The following CNNM2 variants were observed in gnomAD, a reference collection of about 807,000 sequenced individuals.
CNNM2 encodes cyclin and CBS domain divalent metal cation transport mediator 2.
In CNNM2, 12 loss-of-function variants were observed where a neutral mutation model predicts 66.9. The observed-to-expected ratio is 0.18, with a 90% CI of 0.11 to 0.29. The LOEUF is 0.29. CNNM2 is among the 10% of genes least tolerant of loss of function. CNNM2 has a pLI of 1.00. For synonymous variants in CNNM2, 557 were observed against 501.8 expected (o/e 1.11, Z -1.47); for missense variants, 705 against 1,167.7 (o/e 0.60, Z 5.77).
intron 1 of CNNM2, among the ~76,000 whole-genome samples, chr10:102,941,813 CTAGAACG>C (rs933342738): frequency 2.6e-5 from 4 of 152,292 alleles, no homozygotes; most frequent in Middle Eastern, 3.4e-3. Flanking sequence ...GCCTCTCCTA[CTAGAACG>C]TAAGCTCCAT....
chr10:102,972,729 G>T (rs780554535), intron 1 of CNNM2, among the ~76,000 whole-genome samples: 6 of 152,116 alleles, frequency 3.9e-5, no homozygotes, highest in Non-Finnish European at 7.4e-5. Context: ...GTTGAGTTGT[G>T]TTTTTTTCTT....
Position 103,019,348 on chromosome 10 carries a change from C to T in CNNM2, c.1622-30359C>T, listed in dbSNP as rs895394463. 2.0e-5 allele frequency among the ~76,000 whole-genome samples: 3 copies of T among 151,188 alleles called. No individual in the cohort carries two copies. In the East Asian group the frequency reaches 5.8e-4, roughly 29 times the overall value. ...CATTGTATTTAGCAAAATGAGAGGTCATGGAGATCACAAGAGGGGTTCTAT... is the reference window on the plus strand; with the variant it reads ...CATTGTATTTAGCAAAATGAGAGGTTATGGAGATCACAAGAGGGGTTCTAT... On this transcript the variant is annotated intron_variant, in intron 1 of 7. Transcript: ENST00000369878.
Position 103,082,062 on chromosome 10 carries a change from A to G in CNNM2, c.*4882A>G, listed in dbSNP as rs1414709281. 1.3e-5 allele frequency: 2 copies of G among 152,252 alleles called. No individual in the cohort carries two copies. The highest frequency in any genetic ancestry group is 4.8e-5 in the African/African-American group (2 of 41,476). The allele number at this position is 152,252 out of a possible 1,614,324, so 9.4% of individuals were successfully genotyped here. On this transcript the variant is annotated 3_prime_UTR_variant, in exon 8 of 8. Coordinates refer to ENST00000369878, the MANE Select transcript of CNNM2 (RefSeq NM_017649.5). ...ACAAAGGTTCTAGCTGCAAGAGAGT[A>G]AAGTTCTAGGTGTTTGTATGCCAAG...
chr10:103,056,757 G>A, intron 3 of CNNM2, 38 bp from the exon 4 acceptor site: 1 of 1,581,430 alleles, frequency 6.3e-7, no homozygotes. Flanking sequence ...TTCTCTCTCT[G>A]TTTGAAATGT....
chr10:103,054,525 C>A lies in CNNM2; in HGVS notation c.1903+59C>A. ...CCAACCCTGAAGCGTGTTTCTCACC[C>A]ACCACTGACTGGGGTGGGTTGGGGG... is the stretch of plus-strand genomic sequence containing the variant. On this transcript the variant is annotated intron_variant, in intron 3 of 7. Transcript: ENST00000369878. The surrounding 1 kb of genome is among the most constrained non-coding windows in gnomAD (Gnocchi z 5.2). The A allele has an allele frequency of 1.3e-6, 2 of 1,577,012 alleles. No homozygotes were observed. Among genetic ancestry groups the A allele is most frequent in the Non-Finnish European group, 1.7e-6 (2 of 1,155,506 alleles).
At chr10:102,923,260 A>G (rs926312561) in intron 1 of CNNM2, among the ~76,000 whole-genome samples, 1 of 152,086 alleles carries the variant, frequency 6.6e-6, no homozygotes, top group Non-Finnish European at 1.5e-5. Context: ...CTGATTTTAC[A>G]GTTTGATCAT....
At chr10:103,011,172 C>T (rs777104824) in intron 1 of CNNM2, among the ~76,000 whole-genome samples, 27 of 152,052 alleles carry the variant, frequency 1.8e-4, no homozygotes, top group Non-Finnish European at 3.2e-4. Flanking sequence ...AAAAGCATTC[C>T]GGCCGGGCAC....
chr10:103,002,876 A>G (rs2064149479), intron 1 of CNNM2, among the ~76,000 whole-genome samples: 1 of 152,206 alleles, frequency 6.6e-6, no homozygotes, highest in Non-Finnish European at 1.5e-5. Flanking sequence ...TAGATTTACC[A>G]TATGACCCTG....
chr10:102,932,057 C>A (rs1201431758), intron 1 of CNNM2, among the ~76,000 whole-genome samples: 2 of 151,966 alleles, frequency 1.3e-5, no homozygotes, highest in Admixed American at 1.3e-4. Flanking sequence ...TGTAAGAGTT[C>A]TTTTTATATT....
At chr10:102,933,583 T>C (rs1233130182) in intron 1 of CNNM2, among the ~76,000 whole-genome samples, 1 of 152,210 alleles carries the variant, frequency 6.6e-6, no homozygotes, top group Non-Finnish European at 1.5e-5. Flanking sequence ...TTCTTTAATT[T>C]GCTTGTAGTG....
intron 1 of CNNM2, among the ~76,000 whole-genome samples, chr10:103,032,012 G>A (rs763619431): frequency 1.6e-4 from 25 of 152,222 alleles, no homozygotes; most frequent in African/African-American, 2.4e-4. Flanking sequence ...GCAAGCCTGC[G>A]TGAACTAGTC....
chr10:102,958,052 T>A (rs966038781), intron 1 of CNNM2, among the ~76,000 whole-genome samples: 3 of 152,190 alleles, frequency 2.0e-5, no homozygotes, highest in African/African-American at 7.2e-5. Context: ...TTTTCCTGCC[T>A]CAGCATCCTG....
At chr10:103,006,219 T>C (rs965325890) in intron 1 of CNNM2, among the ~76,000 whole-genome samples, 3 of 152,014 alleles carry the variant, frequency 2.0e-5, no homozygotes, top group African/African-American at 7.2e-5. Flanking sequence ...TTTCTTTTTT[T>C]TTTTTGAGAT....
chr10:102,919,506 C>G lies in CNNM2; in HGVS notation c.1026C>G (p.Leu342=), dbSNP rs370523645. The G allele has an allele frequency of 1.9e-6, 3 of 1,612,852 alleles. No homozygotes were observed. The highest frequency in any genetic ancestry group is 4.5e-5 in the East Asian group (2 of 44,884). ...TCGACGACATCGCCGGCTCGGGCCT[C>G]GTGGCCGTGGTAGTCTCCACCATCG... The part of the protein sequence containing the change: ...ILLDDIAGSG[L]VAVVVSTIGI... Residue 342 remains leucine (L), a synonymous_variant, in exon 1 of 8, where the codon CTC becomes CTG. Coordinates refer to ENST00000369878, the MANE Select transcript of CNNM2 (RefSeq NM_017649.5).
chr10:103,007,288 A>C (rs1276267673), intron 1 of CNNM2, among the ~76,000 whole-genome samples: 1 of 152,216 alleles, frequency 6.6e-6, no homozygotes, highest in East Asian at 1.9e-4. Flanking sequence ...CCAGGGCAAA[A>C]TCAAACTCCT....
chr10:103,074,392 CTAAA>C (rs747722428), intron 6 of CNNM2, among the ~76,000 whole-genome samples: 27 of 152,340 alleles, frequency 1.8e-4, no homozygotes, highest in South Asian at 1.0e-3. Flanking sequence ...ATCCATTCTG[CTAAA>C]TATAAGTCTG....
At chr10:102,965,637 A>G (rs1320375269) in intron 1 of CNNM2, among the ~76,000 whole-genome samples, 1 of 152,190 alleles carries the variant, frequency 6.6e-6, no homozygotes, top group African/African-American at 2.4e-5. Context: ...GTCTTGAGTC[A>G]GCGTCTTTAT....
chr10:103,085,566 A>G lies in CNNM2; in HGVS notation c.*8386A>G, dbSNP rs1445139259. 1 of 152,246 alleles carries G rather than the reference A, an allele frequency of 6.6e-6. No homozygotes were observed. Among genetic ancestry groups the G allele is most frequent in the Non-Finnish European group, 1.5e-5 (1 of 68,040 alleles). The allele number at this position is 152,246 out of a possible 1,614,324, so 9.4% of individuals were successfully genotyped here. On this transcript the variant is annotated 3_prime_UTR_variant, in exon 8 of 8. Coordinates refer to ENST00000369878, the MANE Select transcript of CNNM2 (RefSeq NM_017649.5). ...CCCCTCGCCAGACATGGCTTTGGGA[A>G]GAGCTCCATGGGAGACCAGAACATC...
intron 1 of CNNM2, among the ~76,000 whole-genome samples, chr10:103,037,249 A>G (rs1473640756): frequency 6.7e-6 from 1 of 148,316 alleles, no homozygotes; most frequent in African/African-American, 2.4e-5. Flanking sequence ...TATATATATT[A>G]TATAGTATTA....
Sources: gnomAD v4.1 joint callset for allele counts (sites outside exome capture counted in the v4.1 genomes callset) on GRCh38, gnomAD v4.1.1 for gene constraint, Gnocchi (gnomAD v3.1) non-coding constraint, MANE v1.5 for transcripts, NCBI Gene and HGNC (gene_info 2026-07-23, HGNC 2026-07-21) for gene names.